POMGNT1: variants seen among roughly 807,000 people sequenced by gnomAD.
POMGNT1 encodes protein O-linked-mannose beta-1,2-N-acetylglucosaminyltransferase 1.
A neutral mutation model predicts 95.6 loss-of-function variants in POMGNT1; 67 were observed. That is an observed-to-expected ratio of 0.70 (90% CI 0.58 to 0.86). POMGNT1 has a LOEUF of 0.86. POMGNT1 is among the 40% of genes least tolerant of loss of function. The probability of loss-of-function intolerance (pLI) is 0.00; values close to 1 mark genes in which losing one functional copy is unlikely to be tolerated. For missense variants in POMGNT1, 719 were observed against 855.2 expected, an observed-to-expected ratio of 0.84 and a Z score of 1.99; for synonymous variants, 298 against 317.9, an observed-to-expected ratio of 0.94 and a Z score of 0.66.
chr1:46,196,902 T>G lies in POMGNT1; in HGVS notation c.236-53A>C, dbSNP rs1213902613. On this transcript the variant is annotated intron_variant, in intron 3 of 21. Transcript: ENST00000371984. This position sits in a 1 kb window ranked among gnomAD's most constrained non-coding sequence, Gnocchi z 4.4. ...AGTCTCCTCAGCAGAGTCTCACCGC[T>G]TAGGGTCTGCCTGCCACTCCAGCTG... is the stretch of plus-strand genomic sequence containing the variant. 10 of 1,614,046 alleles carry G rather than the reference T, an allele frequency of 6.2e-6. No individual in the cohort carries two copies. Among genetic ancestry groups the G allele is most frequent in the Non-Finnish European group, 8.5e-6 (10 of 1,180,032 alleles).
chr1:46,192,353 G>C lies in POMGNT1; in HGVS notation c.1368C>G (p.Ser456=). 1 of 1,614,158 alleles carries C rather than the reference G, an allele frequency of 6.2e-7. No homozygotes were observed. Among genetic ancestry groups the C allele is most frequent in the South Asian group, 1.1e-5 (1 of 91,080 alleles). ...TGGGCTCAAGCTCCTCCTTGTACAA[G>C]GACCTCCTGAGCACCCAGCCCAGCC... ...MPGLGWVLRR[S]LYKEELEPKW... Residue 456 remains serine, a synonymous_variant, in exon 16 of 22, where the codon TCC becomes TCG. Coordinates refer to ENST00000371984, the MANE Select transcript of POMGNT1 (RefSeq NM_017739.4).
chr1:46,215,225 CA>C (rs35554687), intron 1 of POMGNT1, among the ~76,000 whole-genome samples: 27,618 of 75,388 alleles, frequency 0.37, 2,317 homozygotes, highest in Admixed American at 0.4. Flanking sequence ...AACTCTGTCT[CA>C]AAAAAAAAAA....
In POMGNT1 at chr1:46,192,440, G is replaced by C; in HGVS notation, c.1285-4C>G. On this transcript the variant is annotated splice_polypyrimidine_tract_variant and splice_region_variant and intron_variant, in intron 15 of 21. Coordinates refer to ENST00000371984, the MANE Select transcript of POMGNT1 (RefSeq NM_017739.4). ...CCTCAGCCGTGTGTTCATACCCCTG[G>C]GGACAGGGTGCCATAGTGGGAGGTA... is the stretch of plus-strand genomic sequence containing the variant. 1 of 1,614,134 alleles carries C rather than the reference G, an allele frequency of 6.2e-7. No homozygotes were observed. Among genetic ancestry groups the C allele is most frequent in the Non-Finnish European group, 8.5e-7 (1 of 1,180,028 alleles).
chr1:46,208,755 C>A (rs1333751147), intron 1 of POMGNT1, among the ~76,000 whole-genome samples: 1 of 152,084 alleles, frequency 6.6e-6, no homozygotes, highest in African/African-American at 2.4e-5. Flanking sequence ...GCAGGAAAAT[C>A]GCTTGAACCC....
At position 46,189,062 on chromosome 1, in the gene POMGNT1, A is replaced by C; in HGVS notation, c.*208T>G. 1 of 1,525,786 alleles carries C rather than the reference A, an allele frequency of 6.6e-7. No individual in the cohort carries two copies. The highest frequency in any genetic ancestry group is 2.3e-5 in the East Asian group (1 of 44,164). The allele number at this position is 1,525,786 out of a possible 1,614,324, so 94.5% of individuals were successfully genotyped here. On this transcript the variant is annotated 3_prime_UTR_variant, in exon 22 of 22. Coordinates refer to ENST00000371984, the MANE Select transcript of POMGNT1 (RefSeq NM_017739.4). ...CCAGGTACTCTCCTGCCCTTCTCCA[A>C]CAAGGAAGTAAATAAATAGACTTTT...
At chr1:46,199,376 T>G (rs1486143706), upstream of POMGNT1, among the ~76,000 whole-genome samples, 1 of 152,224 alleles carries the variant, frequency 6.6e-6, no homozygotes, top group African/African-American at 2.4e-5. Flanking sequence ...CAACAATACA[T>G]AAGAATTGCC....
At chr1:46,219,870 C>T (rs896005242) in exon 1 of POMGNT1, 29 of 1,613,764 alleles carry the variant, frequency 1.8e-5, no homozygotes, top group Non-Finnish European at 2.5e-5. Context: ...CCGCTCAAGG[C>T]GAGGCAGCTG....
upstream of POMGNT1, among the ~76,000 whole-genome samples, chr1:46,200,864 C>T (rs1242910736): frequency 6.6e-6 from 1 of 152,218 alleles, no homozygotes; most frequent in South Asian, 2.1e-4. Flanking sequence ...TTGCCGGGTT[C>T]GGTGGCTCAT....
rs1658239203 is a variant in POMGNT1, at chr1:46,196,343, G to A, written c.355-266C>T. 6.6e-6 allele frequency among the ~76,000 whole-genome samples: 1 copy of A among 152,154 alleles called. No individual in the cohort carries two copies. The highest frequency in any genetic ancestry group is 6.5e-5 in the Admixed American group (1 of 15,272). ...GCCTCTGCTGTCTCTGCTTCATCCTGGAAGTATCACAATCCTCCACCACAC... is the reference window on the plus strand; with the variant it reads ...GCCTCTGCTGTCTCTGCTTCATCCTAGAAGTATCACAATCCTCCACCACAC... On this transcript the variant is annotated intron_variant, in intron 4 of 21. Coordinates refer to ENST00000371984, the MANE Select transcript of POMGNT1 (RefSeq NM_017739.4). The surrounding 1 kb of genome is among the most constrained non-coding windows in gnomAD (Gnocchi z 4.4).
chr1:46,212,745 TTTTTA>T (rs923600018), intron 1 of POMGNT1, among the ~76,000 whole-genome samples: 1 of 151,708 alleles, frequency 6.6e-6, no homozygotes, highest in Non-Finnish European at 1.5e-5. Flanking sequence ...CTTGGCTAAT[TTTTTA>T]TTTTATTTTA....
chr1:46,192,598 A>G lies in POMGNT1; in HGVS notation c.1212-8T>C. On this transcript the variant is annotated splice_polypyrimidine_tract_variant and splice_region_variant and intron_variant, in intron 14 of 21. Transcript: ENST00000371984. Reference sequence around the variant, plus strand: ...ATGGATTGGCTCAGGAAACTGAGAGAGGCAGGGTCAAAGAGTTCAGGGAGG... The same window carrying G: ...ATGGATTGGCTCAGGAAACTGAGAGGGGCAGGGTCAAAGAGTTCAGGGAGG... The G allele has an allele frequency of 6.2e-7, 1 of 1,613,850 alleles. No homozygotes were observed. Among genetic ancestry groups the G allele is most frequent in the Non-Finnish European group, 8.5e-7 (1 of 1,179,982 alleles).
Position 46,189,220 on chromosome 1 carries a change from C to A in POMGNT1, c.*50G>T. On this transcript the variant is annotated 3_prime_UTR_variant, in exon 22 of 22. Transcript: ENST00000371984. ...CCTACAGGATGGAGGGAAGGGCTAG[C>A]CAGCCTGGGGGTACACAGTACCCAG... is the stretch of plus-strand genomic sequence containing the variant. 1 of 1,576,702 alleles carries A rather than the reference C, an allele frequency of 6.3e-7. No homozygotes were observed. Among genetic ancestry groups the A allele is most frequent in the Non-Finnish European group, 8.6e-7 (1 of 1,165,382 alleles).
At chr1:46,210,401 TG>T (rs772701845) in intron 1 of POMGNT1, among the ~76,000 whole-genome samples, 160 of 152,108 alleles carry the variant, frequency 1.1e-3, no homozygotes, top group Non-Finnish European at 1.8e-3. Context: ...ACCAGCTGGG[TG>T]TCTACTAATT....
chr1:46,203,494 C>T (rs1262175354), intron 1 of POMGNT1: 1 of 1,550,788 alleles, frequency 6.4e-7, no homozygotes, highest in Non-Finnish European at 8.7e-7. Context: ...GGCAGGAAGA[C>T]CCCTGAAGGG....
In POMGNT1 at chr1:46,217,690, C is replaced by T. The variant is rs10047239; in HGVS notation, c.-51+2015G>A. 8.2e-3 allele frequency among the ~76,000 whole-genome samples: 1,246 copies of T among 152,092 alleles called. 16 individuals carry two copies. Among genetic ancestry groups the T allele is most frequent in the Middle Eastern group, 0.031 (9 of 292 alleles). ...TGGCTAACCTGGTGATGCCCTGTCT[C>T]TACTAAAAATACAAAAATTAGCCAG... On this transcript the variant is annotated intron_variant, in intron 1 of 22. Transcript: ENST00000371992.
At chr1:46,219,606 A>G (rs1659169101) in intron 1 of POMGNT1, 2 of 1,352,634 alleles carry the variant, frequency 1.5e-6, no homozygotes, top group African/African-American at 1.5e-5. Flanking sequence ...AAAGTGAAAC[A>G]TGGTTGGCTG....
In POMGNT1 at chr1:46,197,058, C is replaced by A; in HGVS notation, c.147G>T (p.Val49=). Reference sequence around the variant, plus strand: ...TCAACTTGATATTGACAATGACAGTCACCAGCAGGAAAAGCACGGCCCCTG... The same window carrying A: ...TCAACTTGATATTGACAATGACAGTAACCAGCAGGAAAAGCACGGCCCCTG... ...CQTGAVLFLL[V]TVIVNIKLIL... The change falls in exon 3 of 22, where the codon GTG becomes GTT. Residue 49 remains valine (V), a synonymous_variant. Transcript: ENST00000371984. The A allele has an allele frequency of 6.2e-7, 1 of 1,614,138 alleles. No individual in the cohort carries two copies. Among genetic ancestry groups the A allele is most frequent in the South Asian group, 1.1e-5 (1 of 91,048 alleles).
chr1:46,196,221 G>C lies in POMGNT1; in HGVS notation c.355-144C>G. The C allele has an allele frequency of 6.7e-7, 1 of 1,503,048 alleles. No homozygotes were observed. The highest frequency in any genetic ancestry group is 1.4e-5 in the African/African-American group (1 of 72,474). The allele number at this position is 1,503,048 out of a possible 1,614,324, so 93.1% of individuals were successfully genotyped here. On this transcript the variant is annotated intron_variant, in intron 4 of 21. Coordinates refer to ENST00000371984, the MANE Select transcript of POMGNT1 (RefSeq NM_017739.4). This position sits in a 1 kb window ranked among gnomAD's most constrained non-coding sequence, Gnocchi z 4.4. ...ACACAGTTCTTTTCCAACTCAGCTC[G>C]AAGGCCACCTCTTCCAGAAAGCCTC...
At chr1:46,195,539 G>C in intron 6 of POMGNT1, 1 of 501,942 alleles carries the variant, frequency 2.0e-6, no homozygotes, top group Non-Finnish European at 3.7e-6. Context: ...TGTTTCTGTT[G>C]ACCTCCCACT....
Sources: gnomAD v4.1 joint callset for allele counts (sites outside exome capture counted in the v4.1 genomes callset) on GRCh38, gnomAD v4.1.1 for gene constraint, Gnocchi (gnomAD v3.1) non-coding constraint, MANE v1.5 for transcripts, NCBI Gene and HGNC (gene_info 2026-07-23, HGNC 2026-07-21) for gene names.